Variants in GGT1 observed in about 807,000 individuals in gnomAD.
GGT1 encodes the protein glutathione hydrolase 1 proenzyme.
In GGT1, 21 loss-of-function variants were observed where a neutral mutation model predicts 56.0. The ratio of observed to expected loss-of-function variants is 0.38; its 90% CI spans 0.27 to 0.54. The LOEUF is 0.54. Ranked by LOEUF, GGT1 falls within the 20% of genes least tolerant of loss-of-function variation. The pLI is 0.82. For synonymous variants in GGT1, 238 were observed against 342.6 expected, an observed-to-expected ratio of 0.69 and a Z score of 3.37; for missense variants, 466 against 787.0, an observed-to-expected ratio of 0.59 and a Z score of 4.88.
rs1463867525 is a variant in GGT1, at chr22:24,627,999, G to T, written c.1336+20G>T. ...AGCCAGGTATGGGGTGGAGGTCCGG[G>T]GGTGGGGGACTGGGGTGGAGAGGGG... On this transcript the variant is annotated intron_variant, in intron 13 of 15. Transcript: ENST00000400382. 3 of 1,612,152 alleles carry T rather than the reference G, an allele frequency of 1.9e-6. No homozygotes were observed. In the Admixed American group the frequency reaches 5.0e-5, roughly 27 times the overall value.
the GGT1 span, chr22:24,586,278 C>G: frequency 1.2e-6 from 2 of 1,613,882 alleles, no homozygotes; most frequent in Non-Finnish European, 8.5e-7. Flanking sequence ...AAGCTCAGGT[C>G]CAGCACCGCC....
intron 7 of GGT1, 105 bp downstream of exon 7, chr22:24,615,232 C>T: frequency 2.7e-6 from 2 of 743,628 alleles, no homozygotes; most frequent in Non-Finnish European, 4.6e-6. Context: ...AGGGGCAGTT[C>T]TGTCACCCCC....
intron 1 of GGT1, among the ~76,000 whole-genome samples, chr22:24,606,287 T>C (rs3859863): frequency 0.4 from 60,872 of 150,318 alleles, 12,666 homozygotes; most frequent in Middle Eastern, 0.54. Flanking sequence ...TCCCTCCCCG[T>C]TCCCCTCACC....
the GGT1 span, among the ~76,000 whole-genome samples, chr22:24,587,281 T>G: frequency 1.3e-5 from 2 of 152,236 alleles, no homozygotes; most frequent in East Asian, 3.9e-4. Flanking sequence ...GGGCCGGCCA[T>G]GAGGGAGGGC....
chr22:24,605,074 A>AAGTATAT lies in GGT1; in HGVS notation c.-429+1547_-429+1548insAGTATAT, dbSNP rs2045963631. Among the ~76,000 whole-genome samples the AAGTATAT allele has an allele frequency of 2.8e-5, 2 of 72,038 alleles. 1 individual carries two copies. The highest frequency in any genetic ancestry group is 1.9e-4 in the African/African-American group (2 of 10,474). 47.3% of individuals were successfully genotyped at this position (72,038 alleles called of 152,430 possible). On this transcript the variant is annotated intron_variant, in intron 1 of 15. Coordinates refer to ENST00000400382, the MANE Select transcript of GGT1 (RefSeq NM_001288833.2). Reference sequence around the variant, plus strand: ...TATTATATATTATATGTAATATATAATATATAAAGTATATTATATAATATG... The same window carrying AAGTATAT: ...TATTATATATTATATGTAATATATAAAGTATATTATATAAAGTATATTATATAATATG...
At chr22:24,608,073 A>G (rs2046433368) in intron 2 of GGT1, 50 bp downstream of exon 2, 1 of 460,870 alleles carries the variant, frequency 2.2e-6, no homozygotes, top group Non-Finnish European at 4.5e-6. Flanking sequence ...GAGGCCAACC[A>G]TGGCAGCTGA....
upstream of GGT1, chr22:24,590,032 A>T: frequency 7.0e-7 from 1 of 1,424,978 alleles, no homozygotes; most frequent in Non-Finnish European, 9.3e-7. Context: ...GATGCTGCTT[A>T]TGCCCGTTCC....
At position 24,611,361 on chromosome 22, in the gene GGT1, T is replaced by C. The variant is rs1601684638; in HGVS notation, c.164+116T>C. ...ATGTGTAAGCTTCGCTTGGACTCTC[T>C]CAGTAGCCTTTGGGAAGGGGACAGT... On this transcript the variant is annotated intron_variant, in intron 5 of 15. Transcript: ENST00000400382. 26 of 714,930 alleles carry C rather than the reference T, an allele frequency of 3.6e-5. No individual in the cohort carries two copies. The East Asian group carries it at 7.0e-4, about 19-fold the overall frequency. 44.3% of individuals were successfully genotyped at this position (714,930 alleles called of 1,614,324 possible).
chr22:24,593,082 G>C (rs1461047248), upstream of GGT1: 47 of 1,035,510 alleles, frequency 4.5e-5, no homozygotes, highest in Non-Finnish European at 5.2e-5. Flanking sequence ...AGGCCGGGCT[G>C]TCTGCGCCCC....
chr22:24,612,154 G>A (rs1453161538), intron 5 of GGT1, among the ~76,000 whole-genome samples: 1 of 151,360 alleles, frequency 6.6e-6, no homozygotes, highest in African/African-American at 2.4e-5. Flanking sequence ...TGGTCAGGCT[G>A]GTCTTGAACT....
chr22:24,588,371 C>T, the GGT1 span: 1 of 1,489,686 alleles, frequency 6.7e-7, no homozygotes, highest in Non-Finnish European at 9.3e-7. Flanking sequence ...TGAGCCCCTC[C>T]TGCCCACCTC....
At chr22:24,624,755 A>G in intron 11 of GGT1, 3 of 851,902 alleles carry the variant, frequency 3.5e-6, no homozygotes, top group Non-Finnish European at 4.2e-6. Context: ...CCCGAAAGAA[A>G]GGCAGCTGTT....
chr22:24,592,651 T>A, upstream of GGT1: 1 of 778,402 alleles, frequency 1.3e-6, no homozygotes, highest in African/African-American at 1.8e-5. Flanking sequence ...CACCCAGCCC[T>A]CACTCCAGGC....
intron 12 of GGT1, 45 bp downstream of exon 12, chr22:24,627,664 G>A (rs1327132685): frequency 6.4e-7 from 1 of 1,556,214 alleles, no homozygotes; most frequent in Non-Finnish European, 8.7e-7. Context: ...CCAGGGGCGG[G>A]TGGCCCAGGG....
At chr22:24,587,332 A>G in the GGT1 span, among the ~76,000 whole-genome samples, 1 of 152,176 alleles carries the variant, frequency 6.6e-6, no homozygotes, top group East Asian at 1.9e-4. Flanking sequence ...TCAGAGACTG[A>G]GAAGGACCCC....
chr22:24,600,460 C>T (rs1042607331), upstream of GGT1, among the ~76,000 whole-genome samples: 1 of 152,250 alleles, frequency 6.6e-6, no homozygotes, highest in Non-Finnish European at 1.5e-5. Flanking sequence ...AAGTGCCAGG[C>T]CAGCCCTGCT....
At position 24,605,785 on chromosome 22, in the gene GGT1, T is replaced by G. The variant is rs1396510643; in HGVS notation, c.-428-2169T>G. On this transcript the variant is annotated intron_variant, in intron 1 of 15. Coordinates refer to ENST00000400382, the MANE Select transcript of GGT1 (RefSeq NM_001288833.2). The stretch of plus-strand genomic sequence containing the variant: ...ATAATATTATATAATGTGTATTATA[T>G]ATTATATAATATATGATGTGTATTA... Among the ~76,000 whole-genome samples, 7 of 72,084 alleles carry G rather than the reference T, an allele frequency of 9.7e-5. 2 individuals are homozygous for G. Among genetic ancestry groups the G allele is most frequent in the Non-Finnish European group, 1.5e-4 (7 of 48,150 alleles). 47.3% of individuals were successfully genotyped at this position (72,084 alleles called of 152,430 possible).
chr22:24,626,341 G>C (rs1164686727), intron 11 of GGT1, among the ~76,000 whole-genome samples: 2 of 56,402 alleles, frequency 3.5e-5, no homozygotes, highest in Non-Finnish European at 8.2e-5. Context: ...CATTTTCTTC[G>C]GCCTTCGGGT....
Position 24,621,038 on chromosome 22 carries a change from C to T in GGT1, c.701C>T (p.Thr234Met), listed in dbSNP as rs777437427. The T allele has an allele frequency of 5.6e-6, 9 of 1,601,056 alleles. No homozygotes were observed. The highest frequency in any genetic ancestry group is 2.7e-5 in the African/African-American group (2 of 74,646). ...GAQAFYNGSL[T>M]AQIVKDIQAA... Reference sequence around the variant, plus strand: ...CAGGCCTTCTACAACGGCAGCCTCACGGCCCAGATTGTGAAGGACATCCAG... The same window carrying T: ...CAGGCCTTCTACAACGGCAGCCTCATGGCCCAGATTGTGAAGGACATCCAG... The change falls in exon 9 of 16, where the codon ACG (threonine) becomes ATG (methionine). Residue 234 changes from threonine (T) to methionine (M), a missense_variant. Around this residue, in one of 2 missense-constraint regions of GGT1, gnomAD observed 456 missense variants for 716.7 expected, o/e 0.64. Transcript: ENST00000400382.
Sources: allele counts gnomAD v4.1 joint callset (sites outside exome capture counted in the v4.1 genomes callset), GRCh38; gene constraint gnomAD v4.1.1; regional missense constraint gnomAD v4.1.1; transcripts MANE v1.5; gene names NCBI Gene and HGNC (gene_info 2026-07-23, HGNC 2026-07-21).